MCMDC2: variants seen among roughly 807,000 people sequenced by gnomAD.
The protein encoded by MCMDC2 is minichromosome maintenance domain-containing protein 2.
In MCMDC2, 54 loss-of-function variants were observed where a neutral mutation model predicts 75.8. That is an observed-to-expected ratio of 0.71 (90% CI 0.57 to 0.89). The LOEUF (loss-of-function observed/expected upper bound fraction) is 0.89, where lower values mean the gene tolerates loss of function less well. Ranked by LOEUF, MCMDC2 falls within the 40% of genes least tolerant of loss-of-function variation. The probability of loss-of-function intolerance (pLI) is 0.00; values close to 1 mark genes in which losing one functional copy is unlikely to be tolerated. For synonymous variants in MCMDC2, 249 were observed against 274.6 expected (o/e 0.91, Z 0.92); for missense variants, 656 against 780.4 (o/e 0.84, Z 1.90).
In MCMDC2 at chr8:66,878,615, T is replaced by C. The variant is rs1301643243; in HGVS notation, c.523T>C (p.Ser175Pro). 7 of 1,571,696 alleles carry C rather than the reference T, an allele frequency of 4.5e-6. No individual in the cohort carries two copies. Among genetic ancestry groups the C allele is most frequent in the Non-Finnish European group, 6.0e-6 (7 of 1,165,726 alleles). ...IRVHVPGATE[S>P]ATIRNDFLCN... Reference sequence around the variant, plus strand: ...AGTGCATGTGCCTGGTGCTACAGAATCTGCAACGATAAGAAATGACTTTTT... The same window carrying C: ...AGTGCATGTGCCTGGTGCTACAGAACCTGCAACGATAAGAAATGACTTTTT... Residue 175 changes from serine (S) to proline (P), a missense_variant, in exon 6 of 15, where the codon TCT (serine) becomes CCT (proline). Transcript: ENST00000422365.
chr8:66,877,265 T>G, intron 4 of MCMDC2, 84 bp from the exon 5 acceptor site: 1 of 831,744 alleles, frequency 1.2e-6, no homozygotes, highest in Non-Finnish European at 1.8e-6. Flanking sequence ...TACTTGACTT[T>G]CTTTATAATA....
intron 9 of MCMDC2, among the ~76,000 whole-genome samples, chr8:66,888,186 T>C (rs1055698715): frequency 2.6e-5 from 4 of 152,184 alleles, no homozygotes; most frequent in African/African-American, 9.7e-5. Context: ...GTTCAAGTGA[T>C]CCACCCACCT....
chr8:66,912,088 C>T (rs1487694037), intron 14 of MCMDC2, among the ~76,000 whole-genome samples: 2 of 152,112 alleles, frequency 1.3e-5, no homozygotes, highest in Non-Finnish European at 2.9e-5. Context: ...AAAGATTTGC[C>T]ATTCTAGATG....
At chr8:66,874,724 G>T in intron 4 of MCMDC2, 138 bp downstream of exon 4, 1 of 721,900 alleles carries the variant, frequency 1.4e-6, no homozygotes, top group Non-Finnish European at 2.2e-6. Context: ...TCTTACATAG[G>T]CATCTTTATT....
At chr8:66,918,945 C>A in intron 14 of MCMDC2, 58 bp from the exon 15 acceptor site, 1 of 1,291,344 alleles carries the variant, frequency 7.7e-7, no homozygotes, top group Non-Finnish European at 1.0e-6. Context: ...AATGTGATTT[C>A]ATACTTGTCA....
chr8:66,877,289 G>A, intron 4 of MCMDC2, 60 bp from the exon 5 acceptor site: 4 of 1,063,528 alleles, frequency 3.8e-6, no homozygotes, highest in South Asian at 1.5e-5. Flanking sequence ...TTACTATATT[G>A]TAATACAAGT....
chr8:66,907,435 G>A (rs911639631), intron 14 of MCMDC2, among the ~76,000 whole-genome samples: 13 of 152,122 alleles, frequency 8.5e-5, no homozygotes, highest in Non-Finnish European at 7.4e-5. Context: ...AGTATTCCAT[G>A]GTGTATATGT....
intron 1 of MCMDC2, among the ~76,000 whole-genome samples, chr8:66,873,229 GAC>G (rs1323184880): frequency 6.6e-6 from 1 of 152,058 alleles, no homozygotes; most frequent in Non-Finnish European, 1.5e-5. Flanking sequence ...GTTGGTCACT[GAC>G]ACAATATTTA....
intron 8 of MCMDC2, 81 bp downstream of exon 8, chr8:66,881,055 A>C: frequency 2.6e-6 from 3 of 1,162,598 alleles, no homozygotes; most frequent in Non-Finnish European, 3.4e-6. Context: ...TTGTTTGCCT[A>C]TGTGCTAGGC....
At chr8:66,883,333 A>G (rs1314422347) in intron 8 of MCMDC2, among the ~76,000 whole-genome samples, 2 of 152,220 alleles carry the variant, frequency 1.3e-5, no homozygotes, top group African/African-American at 2.4e-5. Context: ...CAGGCGCTCT[A>G]TGATCTGGTT....
intron 10 of MCMDC2, among the ~76,000 whole-genome samples, chr8:66,894,646 T>C (rs1045586971): frequency 6.6e-6 from 1 of 152,224 alleles, no homozygotes; most frequent in African/African-American, 2.4e-5. Context: ...AAAAGTATTG[T>C]ACAATATAAA....
intron 12 of MCMDC2, among the ~76,000 whole-genome samples, chr8:66,899,554 G>A (rs1476068151): frequency 1.3e-5 from 2 of 152,046 alleles, no homozygotes; most frequent in African/African-American, 2.4e-5. Flanking sequence ...GGAGTGCAGA[G>A]GCGCCATCTT....
At chr8:66,878,147 A>G (rs952295829) in intron 5 of MCMDC2, among the ~76,000 whole-genome samples, 18 of 151,930 alleles carry the variant, frequency 1.2e-4, no homozygotes, top group African/African-American at 4.1e-4. Context: ...CCTTTGGCTT[A>G]ACTTCAGTTT....
intron 11 of MCMDC2, 22 bp from the exon 12 acceptor site, chr8:66,896,758 G>A (rs2130836264): frequency 6.5e-7 from 1 of 1,545,662 alleles, no homozygotes; most frequent in Non-Finnish European, 8.7e-7. Context: ...ATGTTTGCCT[G>A]TTACCTTTTG....
At chr8:66,908,258 G>T (rs1249692958) in intron 14 of MCMDC2, among the ~76,000 whole-genome samples, 1 of 152,288 alleles carries the variant, frequency 6.6e-6, no homozygotes, top group Non-Finnish European at 1.5e-5. Context: ...AAGGTGTAAG[G>T]AAGGGGTCCA....
At chr8:66,880,642 G>A (rs931548293) in intron 7 of MCMDC2, among the ~76,000 whole-genome samples, 6 of 151,948 alleles carry the variant, frequency 3.9e-5, no homozygotes, top group Admixed American at 6.6e-5. Context: ...ATTCATCATA[G>A]CACATAAGAA....
At chr8:66,918,072 T>TTA (rs1813387209) in intron 14 of MCMDC2, among the ~76,000 whole-genome samples, 1 of 151,496 alleles carries the variant, frequency 6.6e-6, no homozygotes, top group Non-Finnish European at 1.5e-5. Context: ...TGTCATTTTG[T>TTA]TTTTTATTTT....
chr8:66,919,410 A>T lies in MCMDC2; in HGVS notation c.*241A>T, dbSNP rs1813436279. On this transcript the variant is annotated 3_prime_UTR_variant, in exon 15 of 15. Transcript: ENST00000422365. ...AGAACAATGTGGACAATTTAAAGTG[A>T]TAAAGTTGTCAAGGAGAATACTATA... The T allele has an allele frequency of 3.5e-6, 1 of 284,664 alleles. No individual in the cohort carries two copies. The highest frequency in any genetic ancestry group is 2.2e-5 in the African/African-American group (1 of 45,716). 17.6% of individuals were successfully genotyped at this position (284,664 alleles called of 1,614,324 possible). A position where few individuals can be genotyped will look rare whatever the true frequency, so the allele number is the denominator to read the frequency against.
At chr8:66,916,211 T>C (rs556866642) in intron 14 of MCMDC2, among the ~76,000 whole-genome samples, 14 of 151,846 alleles carry the variant, frequency 9.2e-5, no homozygotes, top group African/African-American at 2.9e-4. Context: ...AGTAACACTA[T>C]AGAAAGACAG....
Sources: allele counts gnomAD v4.1 joint callset (sites outside exome capture counted in the v4.1 genomes callset), GRCh38; gene constraint gnomAD v4.1.1; transcripts MANE v1.5; gene names NCBI Gene and HGNC (gene_info 2026-07-23, HGNC 2026-07-21).